Variants in DPP6 observed in about 807,000 individuals in gnomAD.
The protein encoded by DPP6 is A-type potassium channel modulatory protein DPP6.
A neutral mutation model predicts 122.6 loss-of-function variants in DPP6; 69 were observed. That is an observed-to-expected ratio of 0.56 (90% CI 0.46 to 0.69). DPP6 has a LOEUF of 0.69. Ranked by LOEUF, DPP6 falls within the 30% of genes least tolerant of loss-of-function variation. DPP6 has a pLI of 0.00. For missense variants in DPP6, 928 were observed against 1,116.9 expected (o/e 0.83, Z 2.41); for synonymous variants, 418 against 433.1 (o/e 0.97, Z 0.43).
chr7:154,209,543 T>TA (rs59919645), intron 1 of DPP6, among the ~76,000 whole-genome samples: 41 of 88,648 alleles, frequency 4.6e-4, no homozygotes, highest in East Asian at 1.1e-3. Context: ...AAGTTGAAGT[T>TA]AAAAAAAAAA....
At chr7:154,021,670 T>A (rs1278103878) in intron 1 of DPP6, among the ~76,000 whole-genome samples, 1 of 152,130 alleles carries the variant, frequency 6.6e-6, no homozygotes, top group African/African-American at 2.4e-5. Flanking sequence ...TAAGAAGACA[T>A]CTGGGTGTTC....
the DPP6 span, among the ~76,000 whole-genome samples, chr7:153,871,905 G>A: frequency 1.3e-3 from 194 of 152,254 alleles, 3 homozygotes; most frequent in African/African-American, 4.1e-3. Context: ...ACTTCATCAG[G>A]AACAAGAATT....
rs779501891 is a variant in DPP6, at chr7:154,603,656, CAAAAAA to C, written c.628-34143_628-34138del. On this transcript the variant is annotated intron_variant, in intron 5 of 25. Transcript: ENST00000377770. ...GGGTGACGAGAGTGAAACTCTGTCT[CAAAAAA>C]AAAAAAAAAAAAAAAAAAAAATTAT... Among the ~76,000 whole-genome samples the C allele has an allele frequency of 6.0e-4, 15 of 24,974 alleles. 1 individual carries two copies. The highest frequency in any genetic ancestry group is 2.8e-3 in the Admixed American group (3 of 1,072). 16.4% of individuals were successfully genotyped at this position (24,974 alleles called of 152,430 possible). A position where few individuals can be genotyped will look rare whatever the true frequency, so the allele number is the denominator to read the frequency against.
intron 1 of DPP6, among the ~76,000 whole-genome samples, chr7:154,055,330 C>A (rs1309178542): frequency 7.4e-6 from 1 of 134,494 alleles, no homozygotes; most frequent in African/African-American, 2.8e-5. Context: ...TTTATGCACT[C>A]TTCTTAGAAA....
At chr7:154,473,137 A>G (rs1272668018) in intron 2 of DPP6, among the ~76,000 whole-genome samples, 2 of 152,238 alleles carry the variant, frequency 1.3e-5, no homozygotes, top group African/African-American at 4.8e-5. Flanking sequence ...TTTTCTGACC[A>G]CGTACTTAAG....
intron 4 of DPP6, among the ~76,000 whole-genome samples, chr7:154,555,833 T>C (rs992277271): frequency 2.0e-5 from 3 of 151,916 alleles, no homozygotes; most frequent in African/African-American, 4.8e-5. Flanking sequence ...CTCCAGAAGA[T>C]TGAACAAAGC....
rs73494343 is a variant in DPP6, at chr7:153,917,404, A to T, written c.51+29670A>T. ...TACAGATAGCAAGAAATGCAGATGA[A>T]CTTGGGCAGTGTTAAAACCTGGATA... On this transcript the variant is annotated intron_variant, in intron 1 of 25. Transcript: ENST00000404039. 2.0e-5 allele frequency among the ~76,000 whole-genome samples: 3 copies of T among 152,212 alleles called. 1 individual carries two copies. The highest frequency in any genetic ancestry group is 2.0e-4 in the Admixed American group (3 of 15,290).
At chr7:153,777,493 C>A in the DPP6 span, among the ~76,000 whole-genome samples, 4 of 126,604 alleles carry the variant, frequency 3.2e-5, no homozygotes, top group Admixed American at 2.7e-4. Flanking sequence ...ACTTAGGTAA[C>A]TTTCAACTGG....
chr7:154,569,491 A>G (rs1054473447), intron 5 of DPP6, among the ~76,000 whole-genome samples: 1 of 151,968 alleles, frequency 6.6e-6, no homozygotes, highest in African/African-American at 2.4e-5. Context: ...TGTGATTCCA[A>G]TCTAATTATA....
At chr7:153,978,073 A>G (rs71530424) in intron 1 of DPP6, among the ~76,000 whole-genome samples, 5 of 152,270 alleles carry the variant, frequency 3.3e-5, no homozygotes, top group South Asian at 2.1e-4. Context: ...ATACCCAGTA[A>G]TGGGATTGCT....
the DPP6 span, among the ~76,000 whole-genome samples, chr7:153,802,905 C>T: frequency 5.9e-5 from 9 of 152,142 alleles, no homozygotes; most frequent in African/African-American, 1.9e-4. Context: ...AACACCCTCG[C>T]CCCAATCACT....
intron 5 of DPP6, among the ~76,000 whole-genome samples, chr7:154,619,775 C>T (rs917281811): frequency 2.0e-5 from 3 of 152,210 alleles, no homozygotes; most frequent in East Asian, 3.8e-4. Context: ...GTTGCATACG[C>T]CACTGCACAT....
chr7:154,662,241 C>A (rs1201408434), intron 6 of DPP6, among the ~76,000 whole-genome samples: 2 of 150,942 alleles, frequency 1.3e-5, no homozygotes. Context: ...ATCACCATGG[C>A]GTATTAGCCA....
At chr7:154,556,004 A>G (rs1830011868) in intron 4 of DPP6, among the ~76,000 whole-genome samples, 1 of 152,212 alleles carries the variant, frequency 6.6e-6, no homozygotes, top group Non-Finnish European at 1.5e-5. Context: ...ACATTTTGCA[A>G]AATGATCTTG....
At chr7:154,034,846 A>T (rs1799438344) in intron 1 of DPP6, among the ~76,000 whole-genome samples, 1 of 150,496 alleles carries the variant, frequency 6.6e-6, no homozygotes, top group South Asian at 2.2e-4. Context: ...ATAAAGGATC[A>T]ACCAACAGAA....
chr7:154,468,411 A>G (rs4726422), intron 2 of DPP6, among the ~76,000 whole-genome samples: 81,107 of 152,024 alleles, frequency 0.53, 22,350 homozygotes, highest in East Asian at 0.68. Context: ...AACTCTGAAC[A>G]TACTAAAACC....
the DPP6 span, among the ~76,000 whole-genome samples, chr7:153,801,827 A>G: frequency 3.3e-5 from 5 of 152,140 alleles, no homozygotes; most frequent in African/African-American, 1.2e-4. Context: ...CAGACTGGCC[A>G]TGGTTCATTA....
chr7:154,273,830 GA>G (rs1365803385), intron 1 of DPP6, among the ~76,000 whole-genome samples: 48 of 152,320 alleles, frequency 3.2e-4, no homozygotes, highest in Admixed American at 2.6e-3. Flanking sequence ...ACAATTAGGA[GA>G]AAAATTGGAC....
rs141449178 is a variant in DPP6 at position 154,256,262 on chromosome 7, G to A, written c.244-189952G>A. On this transcript the variant is annotated intron_variant, in intron 1 of 25. Transcript: ENST00000377770. ...TGGCCGTAATTTATCTTGATTAGTG[G>A]AAAGGTTTCATAAACTACAGTGTGC... 8.3e-3 allele frequency among the ~76,000 whole-genome samples: 1,262 copies of A among 152,220 alleles called. 26 individuals are homozygous for A. Among genetic ancestry groups the A allele is most frequent in the African/African-American group, 0.028 (1,163 of 41,536 alleles).
Sources: allele counts gnomAD v4.1 joint callset (sites outside exome capture counted in the v4.1 genomes callset), GRCh38; gene constraint gnomAD v4.1.1; transcripts MANE v1.5; gene names NCBI Gene and HGNC (gene_info 2026-07-23, HGNC 2026-07-21).